The following MIPOL1 variants were observed in gnomAD, a reference collection of about 807,000 sequenced individuals.
MIPOL1 encodes the protein mirror-image polydactyly gene 1 protein.
MIPOL1 carries 57 observed loss-of-function variants against 60.9 expected under a neutral mutation model. The observed-to-expected ratio is 0.94, with a 90% CI of 0.76 to 1.17. The LOEUF is 1.17. Ranked by LOEUF, MIPOL1 falls within the 50% of genes most tolerant of loss-of-function variation. The probability of loss-of-function intolerance (pLI) is 0.00; values close to 1 mark genes in which losing one functional copy is unlikely to be tolerated. For missense variants in MIPOL1, 551 were observed against 511.6 expected, an observed-to-expected ratio of 1.08 and a Z score of -0.74; for synonymous variants, 179 against 168.8, an observed-to-expected ratio of 1.06 and a Z score of -0.47.
At chr14:37,406,648 TCTGATG>T (rs2093591989) in intron 10 of MIPOL1, among the ~76,000 whole-genome samples, 1 of 152,154 alleles carries the variant, frequency 6.6e-6, no homozygotes, top group South Asian at 2.1e-4. Flanking sequence ...CCACATTCCA[TCTGATG>T]CTTTAAGTAT....
At position 37,373,564 on chromosome 14, in the gene MIPOL1, G is replaced by A. The variant is rs541259709; in HGVS notation, c.936+3940G>A. Among the ~76,000 whole-genome samples the A allele has an allele frequency of 2.8e-4, 43 of 151,428 alleles. 1 individual carries two copies. The highest frequency in any genetic ancestry group is 9.0e-4 in the African/African-American group (37 of 41,272). On this transcript the variant is annotated intron_variant, in intron 10 of 12. Transcript: ENST00000684589. Reference sequence around the variant, plus strand: ...GCCCCAACCCCCAACAGGCCCCCACGTGTGATGGTCCCCTCCCTGTGTCCA... The same window carrying A: ...GCCCCAACCCCCAACAGGCCCCCACATGTGATGGTCCCCTCCCTGTGTCCA...
intron 11 of MIPOL1, among the ~76,000 whole-genome samples, chr14:37,495,989 T>G (rs2153610208): frequency 6.7e-6 from 1 of 150,018 alleles, no homozygotes. Flanking sequence ...GTTTTTTTCT[T>G]GTAAATTTGT....
intron 11 of MIPOL1, among the ~76,000 whole-genome samples, chr14:37,445,370 A>G (rs1157911616): frequency 1.6e-4 from 25 of 152,280 alleles, no homozygotes; most frequent in Middle Eastern, 3.4e-3. Flanking sequence ...TACAAGGGAC[A>G]TGAAGGACCT....
intron 3 of MIPOL1, 70 bp downstream of exon 3, chr14:37,247,977 G>A: frequency 1.3e-6 from 2 of 1,536,524 alleles, no homozygotes; most frequent in Non-Finnish European, 9.0e-7. Flanking sequence ...AGTGAAGTGT[G>A]TTTGTTCTAA....
chr14:37,358,420 T>G (rs1004853627), intron 9 of MIPOL1, among the ~76,000 whole-genome samples: 1 of 152,220 alleles, frequency 6.6e-6, no homozygotes, highest in South Asian at 2.1e-4. Context: ...CCACACTGTC[T>G]TCCACAATGG....
At chr14:37,261,209 A>G (rs2082497574) in intron 3 of MIPOL1, among the ~76,000 whole-genome samples, 1 of 151,718 alleles carries the variant, frequency 6.6e-6, no homozygotes, top group African/African-American at 2.4e-5. Flanking sequence ...TTTCATTTCC[A>G]TGTCTTCTGA....
intron 9 of MIPOL1, among the ~76,000 whole-genome samples, chr14:37,350,626 T>C (rs2091286094): frequency 6.6e-6 from 1 of 152,168 alleles, no homozygotes; most frequent in South Asian, 2.1e-4. Flanking sequence ...CAAGTTATCA[T>C]TGATTATAGT....
chr14:37,394,679 T>C (rs1442599778), intron 10 of MIPOL1, among the ~76,000 whole-genome samples: 4 of 152,106 alleles, frequency 2.6e-5, no homozygotes, highest in African/African-American at 9.7e-5. Context: ...TTCTAAGATG[T>C]ATAGATTGTG....
At chr14:37,504,447 G>T (rs546176894) in intron 12 of MIPOL1, 1 of 152,330 alleles carries the variant, frequency 6.6e-6, no homozygotes, top group South Asian at 2.1e-4. Flanking sequence ...TCAGGATTAA[G>T]AAACTCACTC....
At chr14:37,473,760 C>T (rs940549553) in intron 11 of MIPOL1, among the ~76,000 whole-genome samples, 2 of 152,100 alleles carry the variant, frequency 1.3e-5, no homozygotes, top group Non-Finnish European at 2.9e-5. Context: ...CCATAGTTTA[C>T]ATTAAAGTTC....
intron 3 of MIPOL1, among the ~76,000 whole-genome samples, chr14:37,264,748 T>C (rs2082750414): frequency 6.6e-6 from 1 of 152,182 alleles, no homozygotes; most frequent in Non-Finnish European, 1.5e-5. Flanking sequence ...GCAACTTTCT[T>C]ATGAGACAAA....
At chr14:37,359,040 C>T (rs2092045197) in intron 9 of MIPOL1, among the ~76,000 whole-genome samples, 1 of 152,176 alleles carries the variant, frequency 6.6e-6, no homozygotes, top group Non-Finnish European at 1.5e-5. Flanking sequence ...CCAGTTTCAG[C>T]TTTCTACATA....
intron 1 of MIPOL1, among the ~76,000 whole-genome samples, chr14:37,223,182 G>A (rs549587166): frequency 7.4e-4 from 111 of 150,792 alleles, no homozygotes; most frequent in Admixed American, 1.6e-3. Flanking sequence ...ACAAGCATGC[G>A]CCACCACACC....
chr14:37,423,986 T>A (rs992700105), intron 11 of MIPOL1, among the ~76,000 whole-genome samples: 1 of 152,160 alleles, frequency 6.6e-6, no homozygotes, highest in Non-Finnish European at 1.5e-5. Context: ...TACCAGTGAT[T>A]TCTATGGGTG....
At chr14:37,349,039 A>T (rs1260473369) in intron 9 of MIPOL1, among the ~76,000 whole-genome samples, 1 of 116,244 alleles carries the variant, frequency 8.6e-6, no homozygotes, top group Admixed American at 1.3e-4. Flanking sequence ...CCTAGGCTGG[A>T]GTGCAATGGC....
chr14:37,528,562 T>C (rs890468790), intron 12 of MIPOL1, among the ~76,000 whole-genome samples: 1 of 152,162 alleles, frequency 6.6e-6, no homozygotes, highest in African/African-American at 2.4e-5. Flanking sequence ...AGAAATATAG[T>C]ACTTTTTTAT....
chr14:37,484,991 C>A (rs2094925761), intron 11 of MIPOL1, among the ~76,000 whole-genome samples: 1 of 152,160 alleles, frequency 6.6e-6, no homozygotes, highest in Non-Finnish European at 1.5e-5. Context: ...CTATCCTCCC[C>A]TTCCCCTCCA....
intron 11 of MIPOL1, among the ~76,000 whole-genome samples, chr14:37,436,755 A>G (rs902011887): frequency 2.0e-5 from 3 of 152,216 alleles, no homozygotes; most frequent in Non-Finnish European, 4.4e-5. Context: ...TTATTTTGCC[A>G]TGAGGCCCTT....
In MIPOL1 at chr14:37,547,187, T is replaced by C; in HGVS notation, c.*216T>C. 1 of 507,782 alleles carries C rather than the reference T, an allele frequency of 2.0e-6. No homozygotes were observed. The highest frequency in any genetic ancestry group is 3.5e-6 in the Non-Finnish European group (1 of 286,618). The allele number at this position is 507,782 out of a possible 1,614,324, so 31.5% of individuals were successfully genotyped here. ...ATCCAAATATATTAACTATAGACTT[T>C]TACCAATGGGTAGCTATAAGGTTAC... On this transcript the variant is annotated 3_prime_UTR_variant, in exon 13 of 13. Transcript: ENST00000684589.
Sources: allele counts gnomAD v4.1 joint callset (sites outside exome capture counted in the v4.1 genomes callset), GRCh38; gene constraint gnomAD v4.1.1; transcripts MANE v1.5; gene names NCBI Gene and HGNC (gene_info 2026-07-23, HGNC 2026-07-21).